Variants in FAM120A observed in about 807,000 individuals in gnomAD.
The protein encoded by FAM120A is constitutive coactivator of PPAR-gamma-like protein 1.
A neutral mutation model predicts 109.7 loss-of-function variants in FAM120A; 15 were observed. That is an observed-to-expected ratio of 0.14 (90% confidence interval 0.09 to 0.21). FAM120A has a LOEUF of 0.21. Among genes scored for constraint, FAM120A ranks in the 10% least tolerant of loss-of-function variants. The pLI is 1.00. For synonymous variants in FAM120A, 493 were observed against 572.8 expected (o/e 0.86, Z 1.99); for missense variants, 899 against 1,439.3 (o/e 0.62, Z 6.07).
chr9:93,512,612 T>C (rs1424212127), intron 5 of FAM120A, among the ~76,000 whole-genome samples: 1 of 152,118 alleles, frequency 6.6e-6, no homozygotes, highest in East Asian at 1.9e-4. Context: ...GTGTGACCTC[T>C]ACTCTGGAGC....
At chr9:93,459,811 C>A (rs1277344937) in intron 1 of FAM120A, among the ~76,000 whole-genome samples, 2 of 152,168 alleles carry the variant, frequency 1.3e-5, no homozygotes, top group Non-Finnish European at 2.9e-5. Flanking sequence ...GCCAAACATT[C>A]TACAGTGCAC....
rs1862340205 is a variant in FAM120A, at chr9:93,557,817, T to C, written c.2485-10T>C. On this transcript the variant is annotated splice_polypyrimidine_tract_variant and intron_variant, in intron 13 of 17. Transcript: ENST00000277165. ...GATGGCATTTTCACATGCTGGTCCT[T>C]GTCTTCCAGGCTGATCAGGCTGCCA... 1 of 1,610,102 alleles carries C rather than the reference T, an allele frequency of 6.2e-7. No individual in the cohort carries two copies. The highest frequency in any genetic ancestry group is 1.3e-5 in the African/African-American group (1 of 74,836).
intron 12 of FAM120A, 46 bp downstream of exon 12, chr9:93,550,737 G>T: frequency 1.3e-6 from 2 of 1,482,672 alleles, no homozygotes; most frequent in Non-Finnish European, 1.9e-6. Context: ...TCTCACTTTG[G>T]ATTTTGGTGT....
At chr9:93,544,389 G>A (rs1861810017) in intron 11 of FAM120A, among the ~76,000 whole-genome samples, 1 of 152,208 alleles carries the variant, frequency 6.6e-6, no homozygotes, top group South Asian at 2.1e-4. Context: ...GTGTGGTCCT[G>A]CTGCTGGGAT....
chr9:93,521,129 G>T (rs1465152492), intron 7 of FAM120A, among the ~76,000 whole-genome samples: 1 of 152,152 alleles, frequency 6.6e-6, no homozygotes, highest in Non-Finnish European at 1.5e-5. Flanking sequence ...TTGCCACATA[G>T]TTGTGCCTGC....
chr9:93,518,720 G>A (rs774450720), intron 7 of FAM120A, among the ~76,000 whole-genome samples: 5 of 152,164 alleles, frequency 3.3e-5, no homozygotes, highest in Non-Finnish European at 7.4e-5. Flanking sequence ...AGGAGGGCAG[G>A]AAAACTGGGA....
At chr9:93,536,780 G>GA (rs576973637) in intron 10 of FAM120A, among the ~76,000 whole-genome samples, 1 of 152,172 alleles carries the variant, frequency 6.6e-6, no homozygotes, top group East Asian at 1.9e-4. Flanking sequence ...AAAAGAAAAA[G>GA]AAAAAAAATT....
chr9:93,521,605 A>G (rs1352036666), intron 7 of FAM120A, among the ~76,000 whole-genome samples: 2 of 152,040 alleles, frequency 1.3e-5, no homozygotes, highest in Admixed American at 1.3e-4. Context: ...AAGGAAAGAA[A>G]GAAAAGGAAT....
chr9:93,564,083 TCAAAG>T (rs1451905309), intron 17 of FAM120A, 141 bp from the exon 18 acceptor site: 5 of 768,760 alleles, frequency 6.5e-6, no homozygotes, highest in Non-Finnish European at 1.1e-5. Flanking sequence ...CGCCCAAAAG[TCAAAG>T]CAAAGACAGG....
rs183248761 is a variant in FAM120A, at chr9:93,476,718, A to C, written c.804+380A>C. Among the ~76,000 whole-genome samples, 274 of 152,332 alleles carry C rather than the reference A, an allele frequency of 1.8e-3. 1 individual carries two copies. The highest frequency in any genetic ancestry group is 3.4e-3 in the Non-Finnish European group (228 of 68,032). On this transcript the variant is annotated intron_variant, in intron 3 of 17. Transcript: ENST00000277165. ...GAGCAACATCTTTGCATAGTTGATA[A>C]ATTTCATAACTAATTTTCTACAATT...
At chr9:93,524,825 G>GCACAGTGC in intron 7 of FAM120A, among the ~76,000 whole-genome samples, 1 of 152,188 alleles carries the variant, frequency 6.6e-6, no homozygotes, top group Non-Finnish European at 1.5e-5. Flanking sequence ...CAGGCTTCCT[G>GCACAGTGC]CACAGTGCCC....
At chr9:93,550,397 G>C (rs1196725317) in intron 11 of FAM120A, among the ~76,000 whole-genome samples, 180 bp from the exon 12 acceptor site, 6 of 152,178 alleles carry the variant, frequency 3.9e-5, no homozygotes. Flanking sequence ...CTGACATCCT[G>C]TTTTCATTTG....
intron 11 of FAM120A, 134 bp from the exon 12 acceptor site, chr9:93,550,443 A>G (rs139493576): frequency 6.3e-5 from 40 of 637,518 alleles, no homozygotes; most frequent in Non-Finnish European, 9.6e-5. Context: ...AAAAGTAGAA[A>G]AGCTGAATAA....
rs1857335467 is a variant in FAM120A, at chr9:93,452,868, T to C, written c.474+479T>C. On this transcript the variant is annotated intron_variant, in intron 1 of 17. Transcript: ENST00000277165. The surrounding 1 kb of genome is among the most constrained non-coding windows in gnomAD (Gnocchi z 7.0). ...CGCCAGAGCCCTTGGGGGCTGCAAA[T>C]ATCAGTGCTGCTGCCGCCGCCCTTG... 4.8e-6 allele frequency: 7 copies of C among 1,466,114 alleles called. No homozygotes were observed. The highest frequency in any genetic ancestry group is 6.3e-6 in the Non-Finnish European group (7 of 1,117,316). The allele number at this position is 1,466,114 out of a possible 1,614,324, so 90.8% of individuals were successfully genotyped here.
intron 11 of FAM120A, among the ~76,000 whole-genome samples, chr9:93,547,346 C>T (rs968354044): frequency 1.3e-5 from 2 of 152,194 alleles, no homozygotes; most frequent in East Asian, 3.8e-4. Context: ...GCAATGCTGG[C>T]GCCGTCAGTG....
chr9:93,559,309 A>C (rs1862397933), intron 15 of FAM120A, among the ~76,000 whole-genome samples: 1 of 152,362 alleles, frequency 6.6e-6, no homozygotes, highest in Middle Eastern at 3.4e-3. Context: ...ATTGGAAGTC[A>C]GTGACCTGTA....
chr9:93,517,745 G>A (rs1466106488), intron 7 of FAM120A, among the ~76,000 whole-genome samples: 1 of 152,242 alleles, frequency 6.6e-6, no homozygotes, highest in Admixed American at 6.5e-5. Context: ...GGGGACGTGG[G>A]TGGTGACTGG....
intron 1 of FAM120A, among the ~76,000 whole-genome samples, chr9:93,458,740 T>A (rs1168750067): frequency 6.6e-6 from 1 of 152,168 alleles, no homozygotes; most frequent in Non-Finnish European, 1.5e-5. Context: ...TTACTGTGGG[T>A]AGCAGTAAGA....
intron 10 of FAM120A, among the ~76,000 whole-genome samples, chr9:93,537,163 T>G (rs1861545690): frequency 6.6e-6 from 1 of 152,212 alleles, no homozygotes; most frequent in Admixed American, 6.5e-5. Flanking sequence ...TGTGGCGAGT[T>G]TCTTCTACTC....
Sources: gnomAD v4.1 joint callset for allele counts (sites outside exome capture counted in the v4.1 genomes callset) on GRCh38, gnomAD v4.1.1 for gene constraint, Gnocchi (gnomAD v3.1) non-coding constraint, MANE v1.5 for transcripts, NCBI Gene and HGNC (gene_info 2026-07-23, HGNC 2026-07-21) for gene names.